Variants in POPDC3 observed in about 807,000 individuals in gnomAD.
POPDC3 encodes popeye domain cAMP effector 3.
In POPDC3, 20 loss-of-function variants were observed where a neutral mutation model predicts 28.2. The observed-to-expected ratio is 0.71, with a 90% CI of 0.50 to 1.03. The LOEUF (loss-of-function observed/expected upper bound fraction) is 1.03. Ranked by LOEUF, POPDC3 falls within the 50% of genes least tolerant of loss-of-function variation. The pLI is 0.00. For missense variants in POPDC3, 316 were observed against 345.9 expected (o/e 0.91, Z 0.69); for synonymous variants, 118 against 124.1 (o/e 0.95, Z 0.33).
rs755356801 is a variant in POPDC3, at chr6:105,158,740, A to T, written c.606T>A (p.Thr202=). 6.2e-7 allele frequency: 1 copy of T among 1,608,976 alleles called. No individual in the cohort carries two copies. The highest frequency in any genetic ancestry group is 1.1e-5 in the South Asian group (1 of 90,552). ...TEEGIFQVTL[T]AETDCRYVSW... The stretch of plus-strand genomic sequence containing the variant: ...ACACATATCGACAATCAGTTTCTGC[A>T]GTGAGGGTTACCTAAAAAACACAAG... Residue 202 remains threonine, a synonymous_variant, in exon 4 of 4, where the codon ACT becomes ACA. Coordinates refer to ENST00000254765, the MANE Select transcript of POPDC3 (RefSeq NM_022361.5).
chr6:105,167,806 A>T (rs1774488905), intron 1 of POPDC3, among the ~76,000 whole-genome samples: 1 of 152,176 alleles, frequency 6.6e-6, no homozygotes, highest in Non-Finnish European at 1.5e-5. Context: ...TTACATATTG[A>T]AATGACAGTG....
At chr6:105,179,706 C>G (rs1455325150) in intron 1 of POPDC3, 127 bp downstream of exon 1, 3 of 152,260 alleles carry the variant, frequency 2.0e-5, no homozygotes, top group Admixed American at 6.5e-5. Context: ...GAGACGCAAG[C>G]GCTCGCAGGG....
At chr6:105,162,311 A>G (rs952990096) in intron 1 of POPDC3, among the ~76,000 whole-genome samples, 151 bp from the exon 2 acceptor site, 1 of 152,228 alleles carries the variant, frequency 6.6e-6, no homozygotes, top group African/African-American at 2.4e-5. Context: ...TGGGTGTTAA[A>G]TTTCTATGGT....
intron 1 of POPDC3, among the ~76,000 whole-genome samples, chr6:105,173,009 A>T (rs1040381793): frequency 3.9e-5 from 6 of 152,226 alleles, no homozygotes; most frequent in Non-Finnish European, 5.9e-5. Context: ...CACGTTGTGC[A>T]CATGTACCCT....
At chr6:105,178,651 G>C (rs906585459) in intron 1 of POPDC3, 10 of 789,698 alleles carry the variant, frequency 1.3e-5, no homozygotes, top group Non-Finnish European at 1.4e-5. Context: ...TGGAATCTGG[G>C]ATCAGCCAGA....
chr6:105,158,885 T>C, intron 3 of POPDC3, 134 bp from the exon 4 acceptor site: 1 of 679,512 alleles, frequency 1.5e-6, no homozygotes, highest in Non-Finnish European at 2.4e-6. Context: ...TGACCTACAA[T>C]ATATTGCAAA....
Position 105,158,283 on chromosome 6 carries a change from A to G in POPDC3, c.*187T>C. 1.8e-6 allele frequency: 1 copy of G among 542,042 alleles called. No homozygotes were observed. Among genetic ancestry groups the G allele is most frequent in the Non-Finnish European group, 3.2e-6 (1 of 317,000 alleles). The allele number at this position is 542,042 out of a possible 1,614,324, so 33.6% of individuals were successfully genotyped here. Reference sequence around the variant, plus strand: ...CCCCAATTATAACAATGAGAAATACAAGAAAAATTTGTAAAGTTTATTCAC... The same window carrying G: ...CCCCAATTATAACAATGAGAAATACGAGAAAAATTTGTAAAGTTTATTCAC... On this transcript the variant is annotated 3_prime_UTR_variant, in exon 4 of 4. Coordinates refer to ENST00000254765, the MANE Select transcript of POPDC3 (RefSeq NM_022361.5).
In POPDC3 at chr6:105,176,680, C is replaced by T. The variant is rs148337559; in HGVS notation, c.-252+3153G>A. On this transcript the variant is annotated intron_variant, in intron 1 of 3. Transcript: ENST00000254765. ...CAAACAATTCTCCTGCCTCAGCCTC[C>T]CAAGTAGCTGGGACTGCAGGCGCAC... Among the ~76,000 whole-genome samples, 818 of 152,270 alleles carry T rather than the reference C, an allele frequency of 5.4e-3. 8 individuals carry two copies. Among genetic ancestry groups the T allele is most frequent in the African/African-American group, 0.019 (781 of 41,546 alleles).
At chr6:105,172,627 G>C (rs1774601458) in intron 1 of POPDC3, among the ~76,000 whole-genome samples, 1 of 150,578 alleles carries the variant, frequency 6.6e-6, no homozygotes, top group South Asian at 2.1e-4. Flanking sequence ...CAAAGACTTG[G>C]AACCAACCCA....
rs554063000 is a variant in POPDC3, at chr6:105,160,128, A to G, written c.486-309T>C. 2.3e-5 allele frequency: 4 copies of G among 174,692 alleles called. No homozygotes were observed. In the South Asian group the frequency reaches 6.7e-4, roughly 29 times the overall value. The allele number at this position is 174,692 out of a possible 1,614,324, so 10.8% of individuals were successfully genotyped here. A position where few individuals can be genotyped will look rare whatever the true frequency, so the allele number is the denominator to read the frequency against. Reference sequence around the variant, plus strand: ...TATTATACTTCAATAAAACATTTTAATGGACTTTGTCAGATTTTAAATTAA... The same window carrying G: ...TATTATACTTCAATAAAACATTTTAGTGGACTTTGTCAGATTTTAAATTAA... On this transcript the variant is annotated intron_variant, in intron 2 of 3. Transcript: ENST00000254765.
At chr6:105,163,192 A>G (rs1474315632) in intron 1 of POPDC3, among the ~76,000 whole-genome samples, 1 of 152,250 alleles carries the variant, frequency 6.6e-6, no homozygotes, top group African/African-American at 2.4e-5. Flanking sequence ...ACTTTGTTGT[A>G]TTAGTGGTTA....
intron 1 of POPDC3, among the ~76,000 whole-genome samples, chr6:105,176,448 GT>G (rs1421171438): frequency 1.3e-5 from 2 of 152,200 alleles, no homozygotes; most frequent in Non-Finnish European, 2.9e-5. Context: ...TATGTACAAA[GT>G]TAGTTTTTCA....
At chr6:105,174,220 G>T (rs1322774214) in intron 1 of POPDC3, among the ~76,000 whole-genome samples, 1 of 152,188 alleles carries the variant, frequency 6.6e-6, no homozygotes, top group Non-Finnish European at 1.5e-5. Flanking sequence ...TGTATTTTTA[G>T]TAGAGATGGG....
chr6:105,158,537 G>T lies in POPDC3; in HGVS notation c.809C>A (p.Thr270Asn). The change falls in exon 4 of 4, where the codon ACT becomes AAT. Residue 270 changes from threonine to asparagine, a missense_variant. Transcript: ENST00000254765. ...IRLPNFYQMS[T>N]PEIRRSPLTQ... ...CAGGGGTGATCTGCGTATTTCTGGA[G>T]TTGACATTTGATAGAAGTTGGGTAG... 1 of 1,614,026 alleles carries T rather than the reference G, an allele frequency of 6.2e-7. No individual in the cohort carries two copies.
At chr6:105,177,158 T>C (rs1190640617) in intron 1 of POPDC3, 1 of 173,006 alleles carries the variant, frequency 5.8e-6, no homozygotes, top group Non-Finnish European at 1.2e-5. Flanking sequence ...ACACAAAAAA[T>C]TGAAGACTGC....
Position 105,179,080 on chromosome 6 carries a change from T to G in POPDC3, c.-252+753A>C, listed in dbSNP as rs1774733050. Reference sequence around the variant, plus strand: ...TCTGCAAATGTCTTCTGGCTAAATTTTTGGCACTGCCCCTCTTACTGTATT... The same window carrying G: ...TCTGCAAATGTCTTCTGGCTAAATTGTTGGCACTGCCCCTCTTACTGTATT... On this transcript the variant is annotated intron_variant, in intron 1 of 3. Coordinates refer to ENST00000254765, the MANE Select transcript of POPDC3 (RefSeq NM_022361.5). 4 of 985,358 alleles carry G rather than the reference T, an allele frequency of 4.1e-6. No individual in the cohort carries two copies. In the Admixed American group the frequency reaches 2.5e-4, roughly 61 times the overall value. 61.0% of individuals were successfully genotyped at this position (985,358 alleles called of 1,614,324 possible).
At chr6:105,178,287 T>G (rs767188526) in intron 1 of POPDC3, among the ~76,000 whole-genome samples, 13 of 152,242 alleles carry the variant, frequency 8.5e-5, no homozygotes, top group Non-Finnish European at 1.8e-4. Flanking sequence ...GGAGACTGTT[T>G]CAAAATAAGC....
At chr6:105,166,825 T>C (rs980648) in intron 1 of POPDC3, 20,924 of 332,482 alleles carry the variant, frequency 0.063, 1,936 homozygotes, top group African/African-American at 0.28. Flanking sequence ...ATTTTTTCAG[T>C]TGGGTTACAT....
intron 2 of POPDC3, among the ~76,000 whole-genome samples, chr6:105,160,977 C>T (rs963442818): frequency 3.9e-5 from 6 of 152,072 alleles, no homozygotes; most frequent in Non-Finnish European, 7.4e-5. Context: ...GCCTGCTTCT[C>T]ATGGGCAATT....
Sources: gnomAD v4.1 joint callset for allele counts (sites outside exome capture counted in the v4.1 genomes callset) on GRCh38, gnomAD v4.1.1 for gene constraint, MANE v1.5 for transcripts, NCBI Gene and HGNC (gene_info 2026-07-23, HGNC 2026-07-21) for gene names.